Variants in CYTH3 observed in about 807,000 individuals in gnomAD.
CYTH3 encodes the protein cytohesin-3.
A neutral mutation model predicts 55.1 loss-of-function variants in CYTH3; 23 were observed. That is an observed-to-expected ratio of 0.42 (90% CI 0.30 to 0.59). The LOEUF (loss-of-function observed/expected upper bound fraction) is 0.59. Ranked by LOEUF, CYTH3 falls within the 20% of genes least tolerant of loss-of-function variation. The pLI is 0.20. For missense variants in CYTH3, 413 were observed against 524.8 expected (o/e 0.79, Z 2.08); for synonymous variants, 249 against 194.9 (o/e 1.28, Z -2.31).
chr7:6,171,068 C>T lies in CYTH3; in HGVS notation c.563-90G>A, dbSNP rs1783175485. The T allele has an allele frequency of 1.3e-6, 2 of 1,591,732 alleles. No homozygotes were observed. The highest frequency in any genetic ancestry group is 1.1e-5 in the South Asian group (1 of 89,380). On this transcript the variant is annotated intron_variant, in intron 7 of 12. Coordinates refer to ENST00000350796, the MANE Select transcript of CYTH3 (RefSeq NM_004227.4). The surrounding 1 kb of genome is among the most constrained non-coding windows in gnomAD (Gnocchi z 6.7). ...TGGGGGCCCGCCTGCAAGAGGTGCC[C>T]GGCCCACAGGTCGTCCTCGCTCAGG...
chr7:6,164,886 C>T lies in CYTH3; in HGVS notation c.*58G>A. On this transcript the variant is annotated 3_prime_UTR_variant, in exon 13 of 13. Coordinates refer to ENST00000350796, the MANE Select transcript of CYTH3 (RefSeq NM_004227.4). ...TGCCACGCCTTCCGCGGAGGGGCCG[C>T]CCGCGGTGTCTTTCTGCTGGGGTTG... 3 of 1,596,452 alleles carry T rather than the reference C, an allele frequency of 1.9e-6. No individual in the cohort carries two copies. Among genetic ancestry groups the T allele is most frequent in the Admixed American group, 1.7e-5 (1 of 59,928 alleles).
At chr7:6,181,959 C>T (rs1359033032) in intron 4 of CYTH3, among the ~76,000 whole-genome samples, 2 of 152,182 alleles carry the variant, frequency 1.3e-5, no homozygotes, top group African/African-American at 2.4e-5. Context: ...AACATCCTAT[C>T]GTATCTCTTT....
intron 1 of CYTH3, among the ~76,000 whole-genome samples, chr7:6,248,234 A>ACC (rs545252615): frequency 2.1e-4 from 15 of 72,342 alleles, no homozygotes; most frequent in African/African-American, 8.3e-4. Flanking sequence ...TCCTCCCCCA[A>ACC]CCCCCCCCCA....
At chr7:6,252,594 T>A (rs561419933) in intron 1 of CYTH3, among the ~76,000 whole-genome samples, 1 of 152,298 alleles carries the variant, frequency 6.6e-6, no homozygotes, top group African/African-American at 2.4e-5. Context: ...GAGTTTGCTG[T>A]GCCCATCACC....
At chr7:6,261,504 C>T (rs1045432461) in intron 1 of CYTH3, among the ~76,000 whole-genome samples, 1 of 151,834 alleles carries the variant, frequency 6.6e-6, no homozygotes, top group African/African-American at 2.4e-5. Flanking sequence ...CATTTGAGGC[C>T]AGGAGTTCAA....
At chr7:6,238,461 TAGTAA>T (rs1779583690) in intron 1 of CYTH3, among the ~76,000 whole-genome samples, 1 of 152,204 alleles carries the variant, frequency 6.6e-6, no homozygotes, top group African/African-American at 2.4e-5. Flanking sequence ...GTACTATGCT[TAGTAA>T]AGTACACTAA....
At chr7:6,217,122 A>G (rs1305963302) in intron 1 of CYTH3, among the ~76,000 whole-genome samples, 2 of 152,228 alleles carry the variant, frequency 1.3e-5, no homozygotes, top group Non-Finnish European at 2.9e-5. Flanking sequence ...CATGTTGGCC[A>G]GGCTGGTCTC....
At chr7:6,259,944 C>A (rs887096279) in intron 1 of CYTH3, among the ~76,000 whole-genome samples, 3 of 144,798 alleles carry the variant, frequency 2.1e-5, no homozygotes, top group African/African-American at 7.9e-5. Flanking sequence ...GATTCTCCTG[C>A]CTCAGCCTCC....
At chr7:6,187,981 T>C (rs141549857) in intron 2 of CYTH3, among the ~76,000 whole-genome samples, 2 of 151,774 alleles carry the variant, frequency 1.3e-5, no homozygotes, top group African/African-American at 2.4e-5. Flanking sequence ...CCTAGGGTAT[T>C]TGTATATAAA....
chr7:6,197,818 G>T (rs1468359668), intron 1 of CYTH3, among the ~76,000 whole-genome samples: 1 of 152,204 alleles, frequency 6.6e-6, no homozygotes, highest in African/African-American at 2.4e-5. Context: ...TTGGCCAGGT[G>T]TAATGGCTCA....
chr7:6,170,563 G>T lies in CYTH3; in HGVS notation c.795C>A (p.Pro265=), dbSNP rs755033999. 1 of 1,613,964 alleles carries T rather than the reference G, an allele frequency of 6.2e-7. No individual in the cohort carries two copies. Among genetic ancestry groups the T allele is most frequent in the Non-Finnish European group, 8.5e-7 (1 of 1,179,876 alleles). ...GNDLTHTFFN[P]DREGWLLKLG... ...GCTTCAGGAGCCAGCCCTCGCGGTC[G>T]GGGTTGAAGAAGGTGTGGGTCAGGT... The change falls in exon 9 of 13, where the codon CCC becomes CCA. Residue 265 remains proline (P), a synonymous_variant. Coordinates refer to ENST00000350796, the MANE Select transcript of CYTH3 (RefSeq NM_004227.4). The surrounding 1 kb of genome is among the most constrained non-coding windows in gnomAD (Gnocchi z 7.8).
intron 1 of CYTH3, among the ~76,000 whole-genome samples, chr7:6,265,852 T>C (rs375853636): frequency 6.6e-6 from 1 of 152,036 alleles, no homozygotes; most frequent in Non-Finnish European, 1.5e-5. Flanking sequence ...AAGTGAAAGA[T>C]GGCACCAAAA....
chr7:6,236,832 C>T (rs1234542508), intron 1 of CYTH3, among the ~76,000 whole-genome samples: 1 of 150,924 alleles, frequency 6.6e-6, no homozygotes, highest in Non-Finnish European at 1.5e-5. Flanking sequence ...CAAAGTGCTG[C>T]GATTACAGGC....
At chr7:6,253,463 C>T (rs998452854) in intron 1 of CYTH3, among the ~76,000 whole-genome samples, 3 of 151,978 alleles carry the variant, frequency 2.0e-5, no homozygotes, top group African/African-American at 7.2e-5. Context: ...CCTGCCTCGG[C>T]CTCTCAAAGT....
chr7:6,167,518 T>G lies in CYTH3; in HGVS notation c.824-1708A>C, dbSNP rs1783048365. On this transcript the variant is annotated intron_variant, in intron 9 of 12. Transcript: ENST00000350796. The surrounding 1 kb of genome is among the most constrained non-coding windows in gnomAD (Gnocchi z 5.5). ...GCAGGCCCCGCTCCAGCTGCACTGG[T>G]GCCAGCTGCCATCCCCCAAACAGCG... is the stretch of plus-strand genomic sequence containing the variant. 6.6e-6 allele frequency among the ~76,000 whole-genome samples: 1 copy of G among 152,204 alleles called. No homozygotes were observed. Among genetic ancestry groups the G allele is most frequent in the African/African-American group, 2.4e-5 (1 of 41,458 alleles).
chr7:6,174,538 G>GTTT (rs1304564008), intron 5 of CYTH3, among the ~76,000 whole-genome samples: 4 of 135,614 alleles, frequency 2.9e-5, no homozygotes, highest in African/African-American at 1.2e-4. Flanking sequence ...TCTCCTTGTG[G>GTTT]GTTTTTTTTT....
At chr7:6,194,507 T>G (rs1226560683) in intron 1 of CYTH3, among the ~76,000 whole-genome samples, 1 of 152,178 alleles carries the variant, frequency 6.6e-6, no homozygotes, top group African/African-American at 2.4e-5. Flanking sequence ...CATTTCAATC[T>G]CACCAGACTG....
intron 1 of CYTH3, among the ~76,000 whole-genome samples, chr7:6,256,015 G>A (rs1426226015): frequency 6.6e-6 from 1 of 151,988 alleles, no homozygotes; most frequent in African/African-American, 2.4e-5. Context: ...CACCCACCTC[G>A]GCCTCCCAAA....
intron 1 of CYTH3, among the ~76,000 whole-genome samples, chr7:6,253,091 A>C (rs1780013810): frequency 6.6e-6 from 1 of 152,212 alleles, no homozygotes; most frequent in South Asian, 2.1e-4. Flanking sequence ...ACATATTTAC[A>C]ATTAAAAAAT....
Sources: allele counts gnomAD v4.1 joint callset (sites outside exome capture counted in the v4.1 genomes callset), GRCh38; gene constraint gnomAD v4.1.1; non-coding constraint Gnocchi (gnomAD v3.1); transcripts MANE v1.5; gene names NCBI Gene and HGNC (gene_info 2026-07-23, HGNC 2026-07-21).